The following DUSP11 variants were observed in gnomAD, a reference collection of about 807,000 sequenced individuals.
The protein encoded by DUSP11 is RNA/RNP complex-1-interacting phosphatase.
A neutral mutation model predicts 41.4 loss-of-function variants in DUSP11; 27 were observed. The observed-to-expected ratio is 0.65, with a 90% CI of 0.48 to 0.90. The LOEUF (loss-of-function observed/expected upper bound fraction) is 0.90. Among genes scored for constraint, DUSP11 ranks in the 40% least tolerant of loss-of-function variants. The pLI is 0.00. For synonymous variants in DUSP11, 188 were observed against 159.3 expected, an observed-to-expected ratio of 1.18 and a Z score of -1.35; for missense variants, 465 against 461.1, an observed-to-expected ratio of 1.01 and a Z score of -0.08.
At chr2:73,762,855 A>G (rs1672389044) in exon 9 of DUSP11, 1 of 1,564,690 alleles carries the variant, frequency 6.4e-7, no homozygotes, top group African/African-American at 1.4e-5. Flanking sequence ...TTCTCTGAAA[A>G]TTTTCTTAAA....
At position 73,778,383 on chromosome 2, in the gene DUSP11, G is replaced by C; in HGVS notation, c.243-7C>G. ...TGGGAGATAGTCTTTCCACCTATTA[G>C]ATATATTTTTTGTTAGCCAAATTGT... is the stretch of plus-strand genomic sequence containing the variant. On this transcript the variant is annotated splice_region_variant and splice_polypyrimidine_tract_variant and intron_variant, in intron 1 of 8. Coordinates refer to ENST00000272444, the Ensembl canonical transcript of DUSP11. 6.7e-7 allele frequency: 1 copy of C among 1,502,580 alleles called. No individual in the cohort carries two copies. Among genetic ancestry groups the C allele is most frequent in the Non-Finnish European group, 8.9e-7 (1 of 1,124,280 alleles). The allele number at this position is 1,502,580 out of a possible 1,614,324, so 93.1% of individuals were successfully genotyped here. A position where few individuals can be genotyped will look rare whatever the true frequency, so the allele number is the denominator to read the frequency against.
intron 8 of DUSP11, 109 bp downstream of exon 8, chr2:73,766,309 C>CAAAA (rs34279043): frequency 8.4e-6 from 7 of 837,782 alleles, no homozygotes; most frequent in Admixed American, 3.7e-5. Flanking sequence ...ACTCTGTCTC[C>CAAAA]AAAAAAAAAA....
intron 5 of DUSP11, chr2:73,768,482 A>C: frequency 1.0e-6 from 1 of 985,490 alleles, no homozygotes; most frequent in Non-Finnish European, 1.2e-6. Flanking sequence ...CATAAAAAGC[A>C]TAACGACACA....
At chr2:73,771,696 G>T (rs1266146919) in intron 4 of DUSP11, among the ~76,000 whole-genome samples, 2 of 149,294 alleles carry the variant, frequency 1.3e-5, no homozygotes, top group Non-Finnish European at 3.0e-5. Flanking sequence ...TAGAGATGGG[G>T]TTTCACCATG....
chr2:73,764,138 T>G (rs1285177572), intron 8 of DUSP11, among the ~76,000 whole-genome samples: 1 of 152,352 alleles, frequency 6.6e-6, no homozygotes, highest in East Asian at 1.9e-4. Context: ...CTTTGAAGTA[T>G]TTCCTTAAGT....
intron 8 of DUSP11, among the ~76,000 whole-genome samples, chr2:73,765,638 T>C (rs1672446689): frequency 2.0e-5 from 3 of 152,228 alleles, no homozygotes; most frequent in African/African-American, 7.2e-5. Flanking sequence ...GGAGAACTCA[T>C]ACTAATGTAC....
At chr2:73,766,064 C>A (rs1672453012) in intron 8 of DUSP11, among the ~76,000 whole-genome samples, 1 of 152,182 alleles carries the variant, frequency 6.6e-6, no homozygotes, top group African/African-American at 2.4e-5. Flanking sequence ...AATCCCAGCA[C>A]TTTGGGAGGC....
intron 4 of DUSP11, among the ~76,000 whole-genome samples, chr2:73,770,140 A>C (rs1672544124): frequency 1.3e-5 from 2 of 151,452 alleles, no homozygotes; most frequent in South Asian, 2.1e-4. Flanking sequence ...CTAAAAGTAC[A>C]AAAAATTAGC....
intron 8 of DUSP11, among the ~76,000 whole-genome samples, 155 bp downstream of exon 8, chr2:73,766,263 C>T (rs551275241): frequency 3.3e-5 from 5 of 150,650 alleles, no homozygotes; most frequent in East Asian, 3.9e-4. Flanking sequence ...GAGCCGAGAT[C>T]GCGCCATTGT....
chr2:73,762,675 CCCAA>C lies in DUSP11; in HGVS notation c.1116_1119del (p.Cys372TrpfsTer21). ...ACAGGTTTGTATCACTGGGTCCATT[CCCAA>C]CAGGCTGGATAGGAGAGTCTGGAGT... On this transcript the variant is annotated frameshift_variant, in exon 9 of 9. Coordinates refer to ENST00000272444, the Ensembl canonical transcript of DUSP11. LOFTEE classifies it high-confidence loss of function. The C allele has an allele frequency of 6.2e-7, 1 of 1,612,032 alleles. No individual in the cohort carries two copies. The highest frequency in any genetic ancestry group is 8.5e-7 in the Non-Finnish European group (1 of 1,179,080).
At chr2:73,767,360 AC>A in intron 5 of DUSP11, 153 bp from the exon 6 acceptor site, 1 of 593,616 alleles carries the variant, frequency 1.7e-6, no homozygotes, top group Non-Finnish European at 2.9e-6. Context: ...AGAATGACAT[AC>A]CATGACCACA....
At chr2:73,771,663 T>TA (rs1324988873) in intron 4 of DUSP11, among the ~76,000 whole-genome samples, 3 of 146,376 alleles carry the variant, frequency 2.0e-5, no homozygotes, top group African/African-American at 5.0e-5. Context: ...CTGGGTTATT[T>TA]TTTTTTTTTT....
At chr2:73,766,359 A>C in intron 8 of DUSP11, 59 bp downstream of exon 8, 1 of 1,435,824 alleles carries the variant, frequency 7.0e-7, no homozygotes. Context: ...ATGTGTTTTC[A>C]TTAACTATAG....
chr2:73,767,940 A>T (rs942774318), intron 5 of DUSP11: 1 of 152,214 alleles, frequency 6.6e-6, no homozygotes, highest in South Asian at 2.1e-4. Context: ...AAAAAATTCA[A>T]TGGTTTTCTA....
intron 8 of DUSP11, among the ~76,000 whole-genome samples, chr2:73,763,279 A>G (rs141493752): frequency 4.0e-4 from 61 of 152,332 alleles, no homozygotes; most frequent in African/African-American, 1.4e-3. Flanking sequence ...CTGAGAACAG[A>G]TATCTGCTTC....
At chr2:73,778,228 G>C in intron 2 of DUSP11, 73 bp downstream of exon 2, 1 of 970,314 alleles carries the variant, frequency 1.0e-6, no homozygotes, top group Non-Finnish European at 1.5e-6. Flanking sequence ...AATGGAATGT[G>C]ATAGAGTGGA....
intron 8 of DUSP11, 145 bp downstream of exon 8, chr2:73,766,273 T>TA: frequency 1.4e-6 from 1 of 714,638 alleles, no homozygotes; most frequent in East Asian, 3.0e-5. Flanking sequence ...CGCGCCATTG[T>TA]ACTCCAGCCT....
At chr2:73,774,395 G>A (rs2103944344) in intron 3 of DUSP11, among the ~76,000 whole-genome samples, 1 of 152,238 alleles carries the variant, frequency 6.6e-6, no homozygotes, top group African/African-American at 2.4e-5. Context: ...AAAGACAGAA[G>A]AGGCTAAGTC....
At chr2:73,766,652 A>G in intron 7 of DUSP11, 58 bp from the exon 8 acceptor site, 2 of 1,528,590 alleles carry the variant, frequency 1.3e-6, no homozygotes, top group Non-Finnish European at 1.8e-6. Context: ...TAGTCAATTT[A>G]GTGACTATAT....
Sources: gnomAD v4.1 joint callset for allele counts (sites outside exome capture counted in the v4.1 genomes callset) on GRCh38, gnomAD v4.1.1 for gene constraint, MANE v1.5 for transcripts, NCBI Gene and HGNC (gene_info 2026-07-23, HGNC 2026-07-21) for gene names.